The following RAP1GDS1 variants were observed in gnomAD, a reference collection of about 807,000 sequenced individuals.
RAP1GDS1 encodes Rap1 GTPase-GDP dissociation stimulator 1.
In RAP1GDS1, 35 loss-of-function variants were observed where a neutral mutation model predicts 71.1. That is an observed-to-expected ratio of 0.49 (90% confidence interval 0.38 to 0.65). The LOEUF is 0.65. Ranked by LOEUF, RAP1GDS1 falls within the 30% of genes least tolerant of loss-of-function variation. The probability of loss-of-function intolerance (pLI) is 0.00; values close to 1 mark genes in which losing one functional copy is unlikely to be tolerated. For synonymous variants in RAP1GDS1, 229 were observed against 243.1 expected, an observed-to-expected ratio of 0.94 and a Z score of 0.54; for missense variants, 663 against 706.1, an observed-to-expected ratio of 0.94 and a Z score of 0.69.
chr4:98,394,862 G>T (rs1180576955), intron 6 of RAP1GDS1, among the ~76,000 whole-genome samples: 1 of 152,026 alleles, frequency 6.6e-6, no homozygotes, highest in African/African-American at 2.4e-5. Context: ...ATTCCAAATT[G>T]TTCACGTTAG....
chr4:98,329,705 C>T (rs1733652961), intron 2 of RAP1GDS1, among the ~76,000 whole-genome samples: 2 of 149,010 alleles, frequency 1.3e-5, no homozygotes, highest in Admixed American at 6.8e-5. Flanking sequence ...AGGAGAATCA[C>T]TTGAACCCAG....
At chr4:98,320,696 C>G (rs1731709346) in intron 2 of RAP1GDS1, among the ~76,000 whole-genome samples, 1 of 151,650 alleles carries the variant, frequency 6.6e-6, no homozygotes, top group Admixed American at 6.6e-5. Context: ...TCCAACAGAC[C>G]TGCAGCTGAG....
chr4:98,271,471 G>A (rs1347801556), intron 1 of RAP1GDS1, among the ~76,000 whole-genome samples: 1 of 152,070 alleles, frequency 6.6e-6, no homozygotes, highest in Non-Finnish European at 1.5e-5. Flanking sequence ...TAGTGTCACT[G>A]AATGCAGAGT....
intron 2 of RAP1GDS1, among the ~76,000 whole-genome samples, chr4:98,313,089 A>G (rs1162410493): frequency 6.6e-6 from 1 of 150,444 alleles, no homozygotes; most frequent in Non-Finnish European, 1.5e-5. Flanking sequence ...AAAAAAAAAA[A>G]AAAAAAAAGA....
chr4:98,411,440 C>T (rs1033855571), intron 7 of RAP1GDS1, among the ~76,000 whole-genome samples: 2 of 150,794 alleles, frequency 1.3e-5, no homozygotes, highest in African/African-American at 4.8e-5. Context: ...CACAGCAAGA[C>T]CCTGTCTCAA....
At chr4:98,283,485 C>G (rs1725492193) in intron 1 of RAP1GDS1, among the ~76,000 whole-genome samples, 1 of 151,904 alleles carries the variant, frequency 6.6e-6, no homozygotes, top group African/African-American at 2.4e-5. Flanking sequence ...ATAAGTAGTG[C>G]AAGTAGTCAT....
chr4:98,305,729 C>A (rs1008337853), intron 2 of RAP1GDS1, among the ~76,000 whole-genome samples: 1 of 152,152 alleles, frequency 6.6e-6, no homozygotes, highest in African/African-American at 2.4e-5. Context: ...TGTGCAGTTG[C>A]CAGAAGGATA....
chr4:98,268,403 G>GA (rs1560745634), intron 1 of RAP1GDS1, among the ~76,000 whole-genome samples: 1 of 151,484 alleles, frequency 6.6e-6, no homozygotes, highest in Admixed American at 6.6e-5. Flanking sequence ...CTCAGATTGA[G>GA]AAAAAAAACA....
In RAP1GDS1 at chr4:98,261,667, C is replaced by T. The variant is rs1007963032; in HGVS notation, c.4+98C>T. Reference sequence around the variant, plus strand: ...TTTCTCGCGCAAAGTTGCCGGATTTCTCCAGTCCCCGGGTGTGAGACGGTG... The same window carrying T: ...TTTCTCGCGCAAAGTTGCCGGATTTTTCCAGTCCCCGGGTGTGAGACGGTG... On this transcript the variant is annotated intron_variant, in intron 1 of 14. Coordinates refer to ENST00000408927, the MANE Select transcript of RAP1GDS1 (RefSeq NM_001100427.2). 28 of 1,424,568 alleles carry T rather than the reference C, an allele frequency of 2.0e-5. No homozygotes were observed. In the African/African-American group the frequency reaches 3.2e-4, roughly 16 times the overall value. 88.2% of individuals were successfully genotyped at this position (1,424,568 alleles called of 1,614,324 possible).
At chr4:98,287,550 A>AC (rs1726221384) in intron 1 of RAP1GDS1, among the ~76,000 whole-genome samples, 1 of 152,204 alleles carries the variant, frequency 6.6e-6, no homozygotes, top group South Asian at 2.1e-4. Context: ...GGGAGCAAAG[A>AC]CCATGTATAT....
At chr4:98,437,524 T>C (rs1178440554) in intron 14 of RAP1GDS1, among the ~76,000 whole-genome samples, 1 of 152,166 alleles carries the variant, frequency 6.6e-6, no homozygotes, top group Non-Finnish European at 1.5e-5. Flanking sequence ...CCAGGCACGG[T>C]GGCTCATGCC....
intron 13 of RAP1GDS1, among the ~76,000 whole-genome samples, chr4:98,435,098 G>A (rs963905509): frequency 6.6e-6 from 1 of 152,186 alleles, no homozygotes; most frequent in African/African-American, 2.4e-5. Context: ...ACACAAAGGA[G>A]GACTTTACAC....
chr4:98,285,097 G>A (rs1201845121), intron 1 of RAP1GDS1, among the ~76,000 whole-genome samples: 1 of 152,068 alleles, frequency 6.6e-6, no homozygotes, highest in Non-Finnish European at 1.5e-5. Flanking sequence ...CAGTAAATTT[G>A]GGGTGGTTTG....
intron 2 of RAP1GDS1, among the ~76,000 whole-genome samples, chr4:98,325,094 A>G (rs1477016323): frequency 6.6e-6 from 1 of 151,842 alleles, no homozygotes; most frequent in African/African-American, 2.4e-5. Flanking sequence ...AAACAACCCC[A>G]TCAAAAAGTG....
intron 2 of RAP1GDS1, among the ~76,000 whole-genome samples, chr4:98,318,308 A>G (rs985722643): frequency 6.6e-6 from 1 of 152,190 alleles, no homozygotes; most frequent in Non-Finnish European, 1.5e-5. Flanking sequence ...AGATGCCTGA[A>G]ACTGTGGGTG....
chr4:98,329,049 G>A (rs1733556028), intron 2 of RAP1GDS1, among the ~76,000 whole-genome samples: 1 of 152,182 alleles, frequency 6.6e-6, no homozygotes, highest in Non-Finnish European at 1.5e-5. Context: ...AGCATCGTAT[G>A]CACATTCTCA....
At chr4:98,308,240 G>A (rs1429181149) in intron 2 of RAP1GDS1, among the ~76,000 whole-genome samples, 5 of 141,596 alleles carry the variant, frequency 3.5e-5, no homozygotes, top group Non-Finnish European at 7.6e-5. Flanking sequence ...GTGCATATAT[G>A]TGTATATACA....
intron 1 of RAP1GDS1, among the ~76,000 whole-genome samples, chr4:98,281,412 C>G (rs995125564): frequency 6.6e-6 from 1 of 151,890 alleles, no homozygotes; most frequent in Non-Finnish European, 1.5e-5. Context: ...GGCTGTTTGT[C>G]TGTTATTGGT....
intron 2 of RAP1GDS1, among the ~76,000 whole-genome samples, chr4:98,325,699 A>G (rs895032820): frequency 1.4e-5 from 2 of 146,258 alleles, no homozygotes. Flanking sequence ...GAATATTCTC[A>G]CTCATAGGTG....
Sources: gnomAD v4.1 joint callset for allele counts (sites outside exome capture counted in the v4.1 genomes callset) on GRCh38, gnomAD v4.1.1 for gene constraint, MANE v1.5 for transcripts, NCBI Gene and HGNC (gene_info 2026-07-23, HGNC 2026-07-21) for gene names.